GALNT13: variants seen among roughly 807,000 people sequenced by gnomAD.
The protein encoded by GALNT13 is UDP-GalNAc:polypeptide N-acetylgalactosaminyltransferase 13.
GALNT13 carries 28 observed loss-of-function variants against 64.2 expected under a neutral mutation model. That is an observed-to-expected ratio of 0.44 (90% CI 0.32 to 0.60). The LOEUF (loss-of-function observed/expected upper bound fraction) is 0.60, where lower values mean the gene tolerates loss of function less well. Ranked by LOEUF, GALNT13 falls within the 20% of genes least tolerant of loss-of-function variation. GALNT13 has a pLI of 0.05. For synonymous variants in GALNT13, 214 were observed against 224.6 expected, an observed-to-expected ratio of 0.95 and a Z score of 0.42; for missense variants, 577 against 669.8, an observed-to-expected ratio of 0.86 and a Z score of 1.53.
chr2:153,334,572 C>A, the GALNT13 span, among the ~76,000 whole-genome samples: 1 of 151,736 alleles, frequency 6.6e-6, no homozygotes, highest in African/African-American at 2.4e-5. Flanking sequence ...TTTTGGCAAA[C>A]CACTCATGTC....
intron 2 of GALNT13, among the ~76,000 whole-genome samples, chr2:153,910,173 A>G (rs189022153): frequency 3.8e-4 from 58 of 151,596 alleles, no homozygotes; most frequent in African/African-American, 1.3e-3. Context: ...ATGGGAGGGT[A>G]TATGTGCTCA....
chr2:153,701,063 C>CT, the GALNT13 span, among the ~76,000 whole-genome samples: 1 of 152,088 alleles, frequency 6.6e-6, no homozygotes, highest in South Asian at 2.1e-4. Flanking sequence ...ATTAACAAAG[C>CT]TAAAGGCATC....
At chr2:153,327,585 G>T in the GALNT13 span, among the ~76,000 whole-genome samples, 1 of 151,166 alleles carries the variant, frequency 6.6e-6, no homozygotes, top group Admixed American at 6.6e-5. Context: ...TGATTGATTT[G>T]GCTATTGATA....
chr2:153,440,341 A>G, the GALNT13 span, among the ~76,000 whole-genome samples: 3 of 152,084 alleles, frequency 2.0e-5, no homozygotes, highest in Admixed American at 6.5e-5. Flanking sequence ...TTCTTTATCC[A>G]GTCTATCATT....
intron 3 of GALNT13, among the ~76,000 whole-genome samples, chr2:154,083,138 A>G (rs1359897778): frequency 6.6e-6 from 1 of 152,068 alleles, no homozygotes; most frequent in Non-Finnish European, 1.5e-5. Flanking sequence ...ATGGCTAGCC[A>G]GTTTTCCCAA....
the GALNT13 span, among the ~76,000 whole-genome samples, chr2:153,729,659 A>C: frequency 5.1e-4 from 77 of 152,076 alleles, no homozygotes; most frequent in African/African-American, 1.6e-3. Flanking sequence ...AAAGAGGAGA[A>C]AATGTAAAAG....
chr2:153,424,697 T>A, the GALNT13 span, among the ~76,000 whole-genome samples: 6 of 151,760 alleles, frequency 4.0e-5, no homozygotes, highest in Non-Finnish European at 7.4e-5. Flanking sequence ...TTTGGTAGAG[T>A]AGTTTGGAAG....
the GALNT13 span, among the ~76,000 whole-genome samples, chr2:153,070,643 A>C: frequency 1.3e-5 from 2 of 152,204 alleles, no homozygotes; most frequent in African/African-American, 4.8e-5. Flanking sequence ...AGTAAAGTCT[A>C]TTAATTATGT....
chr2:153,553,239 G>GTGGTGGCTCACATC, the GALNT13 span, among the ~76,000 whole-genome samples: 6 of 152,042 alleles, frequency 3.9e-5, no homozygotes, highest in African/African-American at 1.2e-4. Context: ...TTGGCCACAT[G>GTGGTGGCTCACATC]TGTAATCCCA....
At chr2:154,356,201 C>G (rs2105271494) in intron 9 of GALNT13, among the ~76,000 whole-genome samples, 1 of 152,022 alleles carries the variant, frequency 6.6e-6, no homozygotes, top group South Asian at 2.1e-4. Flanking sequence ...TCCTATTAAT[C>G]AAGTTAATTT....
At chr2:154,155,475 T>C (rs1313410325) in intron 4 of GALNT13, among the ~76,000 whole-genome samples, 1 of 152,062 alleles carries the variant, frequency 6.6e-6, no homozygotes, top group Non-Finnish European at 1.5e-5. Flanking sequence ...CTTCTCACTA[T>C]TTTTTGCCCC....
chr2:154,194,975 T>C (rs1686801433), intron 4 of GALNT13, among the ~76,000 whole-genome samples: 1 of 151,668 alleles, frequency 6.6e-6, no homozygotes, highest in Non-Finnish European at 1.5e-5. Context: ...ATCATCTAGG[T>C]TTTAAGCCCC....
intron 8 of GALNT13, among the ~76,000 whole-genome samples, chr2:154,289,022 C>T (rs1692447389): frequency 6.6e-6 from 1 of 152,186 alleles, no homozygotes; most frequent in Admixed American, 6.5e-5. Flanking sequence ...GAGGGCTGCA[C>T]CCCTGTAGCA....
At chr2:153,623,407 C>A in the GALNT13 span, among the ~76,000 whole-genome samples, 2 of 152,010 alleles carry the variant, frequency 1.3e-5, no homozygotes, top group Non-Finnish European at 2.9e-5. Context: ...TTTACTGTGG[C>A]ACTTGGCATC....
At chr2:154,420,279 C>A (rs1559144981) in intron 11 of GALNT13, among the ~76,000 whole-genome samples, 1 of 152,118 alleles carries the variant, frequency 6.6e-6, no homozygotes, top group South Asian at 2.1e-4. Flanking sequence ...CCATTGCCCA[C>A]CAATTTGTCT....
At chr2:153,462,388 A>G in the GALNT13 span, among the ~76,000 whole-genome samples, 1 of 152,252 alleles carries the variant, frequency 6.6e-6, no homozygotes, top group South Asian at 2.1e-4. Context: ...AATATTGTCC[A>G]ATGGACCTCT....
the GALNT13 span, among the ~76,000 whole-genome samples, chr2:153,131,529 T>C: frequency 6.6e-6 from 1 of 151,800 alleles, no homozygotes; most frequent in Non-Finnish European, 1.5e-5. Context: ...ATGAGGCTAG[T>C]GTTCCTGCAC....
intron 2 of GALNT13, among the ~76,000 whole-genome samples, chr2:153,932,273 A>G (rs890677582): frequency 2.0e-5 from 3 of 151,854 alleles, no homozygotes; most frequent in African/African-American, 7.3e-5. Flanking sequence ...GGTTTTTCAT[A>G]TCTAAATTTA....
In GALNT13 at chr2:154,242,900, A is replaced by AG. The variant is rs1269357204; in HGVS notation, c.682dup (p.Asp228GlyfsTer11). On this transcript the variant is annotated frameshift_variant, in exon 6 of 13. Coordinates refer to ENST00000392825, the MANE Select transcript of GALNT13 (RefSeq NM_052917.4). LOFTEE classifies it high-confidence loss of function. ...AGCCTTTGCTGGCAAGAATAAAGGA[A>AG]GACAGGTAAGAATTTATGTGTTCTG... 6.2e-7 allele frequency: 1 copy of AG among 1,613,440 alleles called. No homozygotes were observed. Among genetic ancestry groups the AG allele is most frequent in the Non-Finnish European group, 8.5e-7 (1 of 1,179,558 alleles).
Sources: allele counts gnomAD v4.1 joint callset (sites outside exome capture counted in the v4.1 genomes callset), GRCh38; gene constraint gnomAD v4.1.1; transcripts MANE v1.5; gene names NCBI Gene and HGNC (gene_info 2026-07-23, HGNC 2026-07-21).